The following GREB1L variants were observed in gnomAD, a reference collection of about 807,000 sequenced individuals.
GREB1L encodes the protein GREB1-like protein.
GREB1L carries 17 observed loss-of-function variants against 200.8 expected under a neutral mutation model. The observed-to-expected ratio is 0.08, with a 90% CI of 0.06 to 0.13. GREB1L has a LOEUF of 0.13. Ranked by LOEUF, GREB1L falls within the 10% of genes least tolerant of loss-of-function variation. The probability of loss-of-function intolerance (pLI) is 1.00; values close to 1 mark genes in which losing one functional copy is unlikely to be tolerated. For synonymous variants in GREB1L, 789 were observed against 893.0 expected, an observed-to-expected ratio of 0.88 and a Z score of 2.08; for missense variants, 1,657 against 2,367.7, an observed-to-expected ratio of 0.70 and a Z score of 6.23.
At chr18:21,471,140 C>T (rs530298427) in intron 15 of GREB1L, among the ~76,000 whole-genome samples, 13 of 152,326 alleles carry the variant, frequency 8.5e-5, no homozygotes, top group Admixed American at 7.8e-4. Context: ...ACACAGTCAT[C>T]TTTACACTGG....
intron 16 of GREB1L, among the ~76,000 whole-genome samples, chr18:21,475,917 G>A (rs780636099): frequency 1.0e-4 from 14 of 140,434 alleles, no homozygotes; most frequent in Non-Finnish European, 3.1e-5. Context: ...TGCAGTGAGC[G>A]GAGATTATGC....
At chr18:21,494,829 A>G (rs1263330730) in intron 19 of GREB1L, among the ~76,000 whole-genome samples, 1 of 152,200 alleles carries the variant, frequency 6.6e-6, no homozygotes, top group African/African-American at 2.4e-5. Context: ...TCTAAAATAG[A>G]CACATCTGTA....
At chr18:21,438,528 G>T (rs2033687372) in intron 7 of GREB1L, among the ~76,000 whole-genome samples, 1 of 151,896 alleles carries the variant, frequency 6.6e-6, no homozygotes, top group Admixed American at 6.6e-5. Flanking sequence ...AATTAGCCAG[G>T]TGTGGTGGCA....
At chr18:21,384,719 C>T (rs2040465081) in intron 4 of GREB1L, among the ~76,000 whole-genome samples, 1 of 152,128 alleles carries the variant, frequency 6.6e-6, no homozygotes, top group African/African-American at 2.4e-5. Context: ...ATTCCAAGTA[C>T]TTTCTGCAAG....
chr18:21,475,858 A>C (rs571451039), intron 16 of GREB1L, among the ~76,000 whole-genome samples: 2 of 150,678 alleles, frequency 1.3e-5, no homozygotes, highest in African/African-American at 4.9e-5. Context: ...AATCCCAGCT[A>C]CTAGGGAGGC....
intron 7 of GREB1L, among the ~76,000 whole-genome samples, chr18:21,430,844 C>T (rs2033091503): frequency 6.6e-6 from 1 of 151,332 alleles, no homozygotes; most frequent in Admixed American, 6.6e-5. Flanking sequence ...GATCTGCCCA[C>T]CTCGGCCTCC....
At position 21,333,163 on chromosome 18, in the gene GREB1L, G is replaced by A. The variant is rs142348810; in HGVS notation, c.-119-32864G>A. Among the ~76,000 whole-genome samples, 1,217 of 152,214 alleles carry A rather than the reference G, an allele frequency of 8.0e-3. 27 individuals carry two copies. The highest frequency in any genetic ancestry group is 0.028 in the African/African-American group (1,170 of 41,554). On this transcript the variant is annotated intron_variant, in intron 1 of 32. Transcript: ENST00000424526. ...CTAACTGGTTCTAGGCTAGGTAGTA[G>A]AGGTTTCCCAGAAGTCTGGTGCCTG...
At chr18:21,260,557 T>C (rs188834138) in intron 1 of GREB1L, among the ~76,000 whole-genome samples, 155 of 152,148 alleles carry the variant, frequency 1.0e-3, no homozygotes, top group Non-Finnish European at 4.1e-4. Context: ...AGACTTAACA[T>C]GCAAAGGACC....
At chr18:21,432,157 T>G (rs1200006957) in intron 7 of GREB1L, among the ~76,000 whole-genome samples, 1 of 151,988 alleles carries the variant, frequency 6.6e-6, no homozygotes, top group Admixed American at 6.5e-5. Context: ...TCTCCTGACT[T>G]CATGATCCGC....
intron 1 of GREB1L, among the ~76,000 whole-genome samples, chr18:21,326,929 G>T (rs1404450071): frequency 4.6e-5 from 7 of 151,682 alleles, no homozygotes; most frequent in Admixed American, 2.6e-4. Flanking sequence ...TTCTTTTTTT[G>T]TTGTTGTTTT....
At chr18:21,507,329 T>C (rs908620128) in intron 25 of GREB1L, among the ~76,000 whole-genome samples, 1 of 152,230 alleles carries the variant, frequency 6.6e-6, no homozygotes, top group African/African-American at 2.4e-5. Flanking sequence ...TGAGGCAGAA[T>C]AAACTAGAAT....
intron 1 of GREB1L, among the ~76,000 whole-genome samples, chr18:21,257,062 A>C (rs2037811304): frequency 6.6e-6 from 1 of 151,436 alleles, no homozygotes; most frequent in Non-Finnish European, 1.5e-5. Flanking sequence ...TCCTCATTAG[A>C]CTTGTTGAAT....
chr18:21,412,450 T>C (rs116234272), intron 7 of GREB1L, among the ~76,000 whole-genome samples: 1 of 152,130 alleles, frequency 6.6e-6, no homozygotes, highest in African/African-American at 2.4e-5. Context: ...TGAAATAGCA[T>C]ATGGCAATGA....
At chr18:21,481,636 T>C (rs1267300212) in intron 17 of GREB1L, among the ~76,000 whole-genome samples, 1 of 151,904 alleles carries the variant, frequency 6.6e-6, no homozygotes, top group Non-Finnish European at 1.5e-5. Flanking sequence ...CGAGAAGTCC[T>C]GTGTCCCTTC....
At chr18:21,506,144 A>G (rs1299142815) in intron 25 of GREB1L, among the ~76,000 whole-genome samples, 195 bp downstream of exon 25, 2 of 152,170 alleles carry the variant, frequency 1.3e-5, no homozygotes, top group African/African-American at 2.4e-5. Flanking sequence ...CTGTAATCCC[A>G]GCACTGTGGG....
intron 5 of GREB1L, among the ~76,000 whole-genome samples, chr18:21,398,680 T>C (rs555316283): frequency 2.6e-5 from 4 of 152,354 alleles, no homozygotes; most frequent in Non-Finnish European, 5.9e-5. Flanking sequence ...TGTTTAAGCT[T>C]CCACTATTCT....
At position 21,437,018 on chromosome 18, in the gene GREB1L, G is replaced by T. The variant is rs147227252; in HGVS notation, c.833-2503G>T. Among the ~76,000 whole-genome samples the T allele has an allele frequency of 2.0e-5, 3 of 152,226 alleles. No homozygotes were observed. The East Asian group carries it at 5.8e-4, about 29-fold the overall frequency. ...GACCCATGGCACCCAGCCAAGTTTA[G>T]TGGTAGAAGAAATTTTAAGAGAAGT... On this transcript the variant is annotated intron_variant, in intron 7 of 32. Coordinates refer to ENST00000424526, the MANE Select transcript of GREB1L (RefSeq NM_001142966.3).
chr18:21,355,546 A>G (rs2039491347), intron 1 of GREB1L, among the ~76,000 whole-genome samples: 2 of 152,194 alleles, frequency 1.3e-5, no homozygotes, highest in Admixed American at 1.3e-4. Flanking sequence ...ACAGGAAGTA[A>G]GAATCACTGG....
chr18:21,500,088 C>T lies in GREB1L; in HGVS notation c.3751C>T (p.Pro1251Ser). The T allele has an allele frequency of 6.4e-7, 1 of 1,551,724 alleles. No individual in the cohort carries two copies. The highest frequency in any genetic ancestry group is 8.7e-7 in the Non-Finnish European group (1 of 1,147,010). ...GGGCTCCCAGAAGAGTGGCAAGCTG[C>T]CATCCTCCTCCTCCCTGCTGCCCCA... Reference protein sequence around the residue: ...LLGSQKSGKLPSSSSLLPHAD... With the variant: ...LLGSQKSGKLSSSSSLLPHAD... The change falls in exon 22 of 33, where the codon CCA becomes TCA. Residue 1251 changes from proline to serine, a missense_variant. Pro to Ser is a moderately conservative substitution (Grantham distance 74, BLOSUM62 -1). Coordinates refer to ENST00000424526, the MANE Select transcript of GREB1L (RefSeq NM_001142966.3).
Sources: allele counts gnomAD v4.1 joint callset (sites outside exome capture counted in the v4.1 genomes callset), GRCh38; gene constraint gnomAD v4.1.1; transcripts MANE v1.5; gene names NCBI Gene and HGNC (gene_info 2026-07-23, HGNC 2026-07-21).